Variants in ACACA observed in about 807,000 individuals in gnomAD.
ACACA encodes acetyl-CoA carboxylase alpha, also known as acetyl-CoA carboxylase 1.
A neutral mutation model predicts 296.1 loss-of-function variants in ACACA; 103 were observed. The observed-to-expected ratio is 0.35, with a 90% CI of 0.30 to 0.41. ACACA has a LOEUF of 0.41. ACACA is among the 10% of genes least tolerant of loss of function. The probability of loss-of-function intolerance (pLI) is 1.00; values close to 1 mark genes in which losing one functional copy is unlikely to be tolerated. For synonymous variants in ACACA, 953 were observed against 1,038.6 expected (o/e 0.92, Z 1.58); for missense variants, 1,554 against 2,989.7 (o/e 0.52, Z 11.20).
chr17:37,179,401 C>A lies in ACACA; in HGVS notation c.4938G>T (p.Leu1646=). 6.2e-7 allele frequency: 1 copy of A among 1,614,112 alleles called. No homozygotes were observed. The highest frequency in any genetic ancestry group is 8.5e-7 in the Non-Finnish European group (1 of 1,179,994). ...TGGACATAGACTCCCAGAGTTTGAT[C>A]AGGGACTAGTGGAGAAAAGAAGTTT... ...YDIPEMFRQS[L]IKLWESMSTQ... The change falls in exon 41 of 56, where the codon CTG becomes CTT. Residue 1646 remains leucine, a synonymous_variant. Coordinates refer to ENST00000616317, the MANE Select transcript of ACACA (RefSeq NM_198834.3).
chr17:37,376,464 T>C (rs1262779321), intron 1 of ACACA, among the ~76,000 whole-genome samples: 2 of 152,208 alleles, frequency 1.3e-5, no homozygotes, highest in Non-Finnish European at 2.9e-5. Context: ...TCACCTAAGG[T>C]TCCCAAATTC....
At position 37,330,820 on chromosome 17, in the gene ACACA, G is replaced by A. The variant is rs2047841853; in HGVS notation, c.86-395C>T. Among the ~76,000 whole-genome samples, 3 of 152,172 alleles carry A rather than the reference G, an allele frequency of 2.0e-5. No individual in the cohort carries two copies. The South Asian group carries it at 6.2e-4, about 31-fold the overall frequency. ...ATGGGGGAATAAATGGTAAGGGTCT[G>A]GATAGAGTAATGGTTGTTTGAAATA... On this transcript the variant is annotated intron_variant, in intron 2 of 55. Transcript: ENST00000616317.
intron 37 of ACACA, among the ~76,000 whole-genome samples, chr17:37,191,671 A>C (rs1427333684): frequency 6.6e-6 from 1 of 152,186 alleles, no homozygotes; most frequent in Non-Finnish European, 1.5e-5. Context: ...CTATATACAG[A>C]CACTACCCAT....
At chr17:37,127,859 A>G (rs2074874404) in intron 47 of ACACA, among the ~76,000 whole-genome samples, 1 of 150,460 alleles carries the variant, frequency 6.6e-6, no homozygotes, top group Admixed American at 6.6e-5. Flanking sequence ...AAAAAAAAGA[A>G]AAAGAAAAAA....
chr17:37,300,551 G>T (rs776759898), intron 3 of ACACA, among the ~76,000 whole-genome samples: 1 of 152,074 alleles, frequency 6.6e-6, no homozygotes, highest in East Asian at 1.9e-4. Context: ...TGCCAACCAC[G>T]CTGAGAATAT....
intron 11 of ACACA, among the ~76,000 whole-genome samples, chr17:37,259,812 T>C (rs1000634167): frequency 2.0e-5 from 3 of 151,820 alleles, no homozygotes; most frequent in Non-Finnish European, 4.4e-5. Flanking sequence ...CAGACTCTTG[T>C]CCAGTTTCCA....
At chr17:37,402,767 G>C (rs917484409) in intron 1 of ACACA, among the ~76,000 whole-genome samples, 73 of 152,132 alleles carry the variant, frequency 4.8e-4, no homozygotes, top group Admixed American at 4.8e-3. Context: ...CCACCTCCCA[G>C]GTTCACGCCA....
intron 39 of ACACA, 62 bp from the exon 40 acceptor site, chr17:37,181,418 G>A (rs2077311978): frequency 1.3e-6 from 2 of 1,587,208 alleles, no homozygotes; most frequent in East Asian, 2.2e-5. Context: ...GAGCTGCCTA[G>A]AGGGGCTTTT....
At chr17:37,138,318 G>T (rs1264953215) in intron 45 of ACACA, among the ~76,000 whole-genome samples, 1 of 152,186 alleles carries the variant, frequency 6.6e-6, no homozygotes, top group Non-Finnish European at 1.5e-5. Flanking sequence ...TCTCATTTCC[G>T]CTTCTTTATC....
intron 2 of ACACA, among the ~76,000 whole-genome samples, chr17:37,331,140 C>T (rs889746805): frequency 2.0e-5 from 3 of 146,612 alleles, no homozygotes; most frequent in Admixed American, 1.4e-4. Context: ...TATTTAGAGA[C>T]GGAGTCTCGC....
In ACACA at chr17:37,265,287, T is replaced by C. The variant is rs372657628; in HGVS notation, c.1120-1393A>G. Among the ~76,000 whole-genome samples, 67 of 152,302 alleles carry C rather than the reference T, an allele frequency of 4.4e-4. No individual in the cohort carries two copies. The Middle Eastern group carries it at 0.01, about 23-fold the overall frequency. Reference sequence around the variant, plus strand: ...TACATACAGGAATGGGAGGAGTTATTGTCGCCATCTCTTGCAAACAACTTA... The same window carrying C: ...TACATACAGGAATGGGAGGAGTTATCGTCGCCATCTCTTGCAAACAACTTA... On this transcript the variant is annotated intron_variant, in intron 10 of 55. Transcript: ENST00000616317.
In ACACA at chr17:37,085,490, TAGA is replaced by T. The variant is rs1439401378; in HGVS notation, c.*1823_*1825del. 1 of 397,676 alleles carries T rather than the reference TAGA, an allele frequency of 2.5e-6. No individual in the cohort carries two copies. Among genetic ancestry groups the T allele is most frequent in the Admixed American group, 4.4e-5 (1 of 22,710 alleles). The allele number at this position is 397,676 out of a possible 1,614,324, so 24.6% of individuals were successfully genotyped here. On this transcript the variant is annotated 3_prime_UTR_variant, in exon 56 of 56. Coordinates refer to ENST00000616317, the MANE Select transcript of ACACA (RefSeq NM_198834.3). ...GGATTTGATTTATTGCAAAAAAGCA[TAGA>T]AGAATAATCTGGTCAAAAATGAATC...
At chr17:37,207,634 G>A in intron 31 of ACACA, 23 bp downstream of exon 31, 5 of 1,613,510 alleles carry the variant, frequency 3.1e-6, no homozygotes, top group Non-Finnish European at 4.2e-6. Context: ...CCCTTGTACA[G>A]ACATAGTTCC....
chr17:37,230,025 C>T (rs1445332965), intron 25 of ACACA, among the ~76,000 whole-genome samples: 6 of 151,786 alleles, frequency 4.0e-5, no homozygotes, highest in African/African-American at 2.4e-5. Flanking sequence ...TGCGTCATTG[C>T]ACTACAGCCT....
At chr17:37,318,354 T>C (rs2047190876) in intron 3 of ACACA, among the ~76,000 whole-genome samples, 1 of 152,218 alleles carries the variant, frequency 6.6e-6, no homozygotes, top group Non-Finnish European at 1.5e-5. Flanking sequence ...GCAATTCTTA[T>C]GCTTCAGCCT....
intron 1 of ACACA, among the ~76,000 whole-genome samples, chr17:37,364,590 C>CA (rs58523091): frequency 0.28 from 26,315 of 93,756 alleles, 2,841 homozygotes; most frequent in Admixed American, 0.42. Flanking sequence ...GACTCCGTCT[C>CA]AAAAAAAAAA....
In ACACA at chr17:37,218,047, G is replaced by A. The variant is rs994607294; in HGVS notation, c.3683+3677C>T. On this transcript the variant is annotated intron_variant, in intron 29 of 55. Transcript: ENST00000616317. Reference sequence around the variant, plus strand: ...TAAAGCATGCATAAAATATTGTAGTGTAACATCTATAATATCAACTGTGAA... The same window carrying A: ...TAAAGCATGCATAAAATATTGTAGTATAACATCTATAATATCAACTGTGAA... Among the ~76,000 whole-genome samples the A allele has an allele frequency of 5.5e-4, 83 of 150,370 alleles. No homozygotes were observed. In the Middle Eastern group the frequency reaches 0.01, roughly 19 times the overall value.
At chr17:37,279,420 G>T (rs1322107405) in intron 5 of ACACA, among the ~76,000 whole-genome samples, 1 of 151,994 alleles carries the variant, frequency 6.6e-6, no homozygotes, top group Admixed American at 6.6e-5. Flanking sequence ...GGATCACGAG[G>T]TCAGGAGATG....
At chr17:37,394,123 T>C (rs2038461136) in intron 1 of ACACA, among the ~76,000 whole-genome samples, 2 of 152,256 alleles carry the variant, frequency 1.3e-5, no homozygotes, top group East Asian at 1.9e-4. Context: ...GTGTCACCAT[T>C]ATAGACCAAG....
Sources: allele counts gnomAD v4.1 joint callset (sites outside exome capture counted in the v4.1 genomes callset), GRCh38; gene constraint gnomAD v4.1.1; transcripts MANE v1.5; gene names NCBI Gene and HGNC (gene_info 2026-07-23, HGNC 2026-07-21).